The following ABHD2 variants were observed in gnomAD, a reference collection of about 807,000 sequenced individuals.
ABHD2 encodes abhydrolase domain containing 2, acylglycerol lipase.
Under a neutral mutation model 48.1 loss-of-function variants are expected in ABHD2, and 20 were observed. The observed-to-expected ratio is 0.42, with a 90% CI of 0.29 to 0.60. The LOEUF (loss-of-function observed/expected upper bound fraction) is 0.60. Among genes scored for constraint, ABHD2 ranks in the 20% least tolerant of loss-of-function variants. The pLI, the probability that ABHD2 is intolerant of heterozygous loss-of-function variation, is 0.24. For synonymous variants in ABHD2, 209 were observed against 214.2 expected, an observed-to-expected ratio of 0.98 and a Z score of 0.21; for missense variants, 405 against 550.9, an observed-to-expected ratio of 0.74 and a Z score of 2.65.
At chr15:89,183,368 CAAAAAAAAAA>C (rs1233981139) in intron 6 of ABHD2, 1 of 61,880 alleles carries the variant, frequency 1.6e-5, no homozygotes, top group African/African-American at 5.7e-5. Context: ...CAGTCCTTTT[CAAAAAAAAAA>C]AAAAAAATAT....
At chr15:89,191,768 A>G (rs1344901745) in intron 9 of ABHD2, among the ~76,000 whole-genome samples, 10 of 151,792 alleles carry the variant, frequency 6.6e-5, no homozygotes, top group Non-Finnish European at 1.2e-4. Context: ...AGCTGGGATT[A>G]CAGGCATGTG....
At position 89,186,203 on chromosome 15, in the gene ABHD2, G is replaced by T. The variant is rs1000604246; in HGVS notation, c.815+687G>T. Among the ~76,000 whole-genome samples, 1 of 152,144 alleles carries T rather than the reference G, an allele frequency of 6.6e-6. No homozygotes were observed. The highest frequency in any genetic ancestry group is 1.5e-5 in the Non-Finnish European group (1 of 68,034). On this transcript the variant is annotated intron_variant, in intron 7 of 10. Transcript: ENST00000352732. This position sits in a 1 kb window ranked among gnomAD's most constrained non-coding sequence, Gnocchi z 4.3. ...TGGGCTTCTGACCAAGCAGCAGCGG[G>T]ACAGGAGGCTCAGGGCATGGTTTCG...
intron 5 of ABHD2, among the ~76,000 whole-genome samples, chr15:89,172,613 A>G (rs2050948291): frequency 6.6e-6 from 1 of 152,232 alleles, no homozygotes; most frequent in Non-Finnish European, 1.5e-5. Flanking sequence ...TAAAAGAGAA[A>G]ATAATTAGAG....
the ABHD2 span, chr15:89,070,286 G>C: frequency 1.3e-5 from 2 of 152,218 alleles, no homozygotes; most frequent in African/African-American, 4.8e-5. Flanking sequence ...ACATGGCTAA[G>C]CCTAAGTTCA....
chr15:89,044,414 T>C, the ABHD2 span, among the ~76,000 whole-genome samples: 2 of 152,168 alleles, frequency 1.3e-5, no homozygotes, highest in African/African-American at 2.4e-5. Context: ...TTTGGGTATA[T>C]ACCCAGTAAT....
At chr15:89,056,915 T>TA in the ABHD2 span, among the ~76,000 whole-genome samples, 4 of 146,814 alleles carry the variant, frequency 2.7e-5, no homozygotes, top group Admixed American at 6.8e-5. Context: ...TACCTTTTTT[T>TA]TTTTTTTTTT....
intron 5 of ABHD2, among the ~76,000 whole-genome samples, chr15:89,161,638 T>G (rs904554588): frequency 2.0e-5 from 3 of 152,052 alleles, no homozygotes. Flanking sequence ...TGACCTTAGG[T>G]GATCCGCCCA....
intron 3 of ABHD2, among the ~76,000 whole-genome samples, chr15:89,134,598 C>G (rs992197136): frequency 4.6e-5 from 7 of 152,114 alleles, no homozygotes; most frequent in African/African-American, 1.7e-4. Context: ...CTTTTCTTGG[C>G]TATTATAGCT....
the ABHD2 span, among the ~76,000 whole-genome samples, chr15:89,059,101 A>C: frequency 6.6e-6 from 1 of 152,176 alleles, no homozygotes; most frequent in East Asian, 1.9e-4. Context: ...AAGAAGCTCA[A>C]AAAGCCAAAT....
At chr15:89,108,740 ATAAC>A (rs1567070300) in intron 1 of ABHD2, among the ~76,000 whole-genome samples, 3 of 152,254 alleles carry the variant, frequency 2.0e-5, no homozygotes, top group Non-Finnish European at 4.4e-5. Context: ...AAGAAAATAT[ATAAC>A]TGTTTAATTT....
rs145754978 is a variant in ABHD2, at chr15:89,105,135, G to A, written c.-106-8590G>A. ...AATTTTGCCTGTGATTTTACTAAGT[G>A]CTTTACCCATTCGTTCTCTCATAGC... On this transcript the variant is annotated intron_variant, in intron 1 of 10. Coordinates refer to ENST00000352732, the MANE Select transcript of ABHD2 (RefSeq NM_152924.5). Among the ~76,000 whole-genome samples, 171 of 152,316 alleles carry A rather than the reference G, an allele frequency of 1.1e-3. 2 individuals are homozygous for A. Among genetic ancestry groups the A allele is most frequent in the African/African-American group, 3.7e-3 (155 of 41,576 alleles).
chr15:89,093,144 A>G (rs1355217315), intron 1 of ABHD2, among the ~76,000 whole-genome samples: 5 of 149,892 alleles, frequency 3.3e-5, no homozygotes, highest in African/African-American at 1.2e-4. Flanking sequence ...TGGCCTCCCC[A>G]AGTCACATTT....
At chr15:89,076,428 A>G in the ABHD2 span, among the ~76,000 whole-genome samples, 1 of 152,122 alleles carries the variant, frequency 6.6e-6, no homozygotes. Flanking sequence ...AATATAATTA[A>G]TATTCATTCC....
chr15:89,053,085 C>T, the ABHD2 span, among the ~76,000 whole-genome samples: 2 of 151,848 alleles, frequency 1.3e-5, no homozygotes, highest in South Asian at 4.2e-4. Flanking sequence ...CTCCTGCCTC[C>T]ACCCCCGAGT....
chr15:89,077,397 T>C, the ABHD2 span, among the ~76,000 whole-genome samples: 1 of 152,226 alleles, frequency 6.6e-6, no homozygotes, highest in Non-Finnish European at 1.5e-5. Context: ...TTGATGGACA[T>C]TTGGACAGTT....
the ABHD2 span, among the ~76,000 whole-genome samples, chr15:89,057,781 A>T: frequency 6.8e-6 from 1 of 147,256 alleles, no homozygotes; most frequent in Admixed American, 6.6e-5. Flanking sequence ...GAAAAAAAAA[A>T]AAGAAAGAAA....
chr15:89,111,164 C>T (rs985725504), intron 1 of ABHD2, among the ~76,000 whole-genome samples: 9 of 152,180 alleles, frequency 5.9e-5, no homozygotes, highest in African/African-American at 2.2e-4. Flanking sequence ...TTTTCCTTTC[C>T]AGTGTTTTAA....
intron 1 of ABHD2, among the ~76,000 whole-genome samples, chr15:89,101,345 G>GT (rs1329587141): frequency 6.6e-6 from 1 of 152,114 alleles, no homozygotes; most frequent in Non-Finnish European, 1.5e-5. Flanking sequence ...ACTTTGAGAT[G>GT]TTCTTTAAAT....
At chr15:89,045,522 C>G in the ABHD2 span, among the ~76,000 whole-genome samples, 9 of 152,318 alleles carry the variant, frequency 5.9e-5, no homozygotes, top group South Asian at 1.4e-3. Flanking sequence ...TTGATTCTTC[C>G]TACTCATGAG....
Sources: allele counts gnomAD v4.1 joint callset (sites outside exome capture counted in the v4.1 genomes callset), GRCh38; gene constraint gnomAD v4.1.1; non-coding constraint Gnocchi (gnomAD v3.1); transcripts MANE v1.5; gene names NCBI Gene and HGNC (gene_info 2026-07-23, HGNC 2026-07-21).